KIAA1549: variants seen among roughly 807,000 people sequenced by gnomAD.
KIAA1549 encodes UPF0606 protein KIAA1549.
KIAA1549 carries 70 observed loss-of-function variants against 156.4 expected under a neutral mutation model. That is an observed-to-expected ratio of 0.45 (90% CI 0.37 to 0.55). The LOEUF is 0.55. Among genes scored for constraint, KIAA1549 ranks in the 20% least tolerant of loss-of-function variants. KIAA1549 has a pLI of 0.00. For missense variants in KIAA1549, 2,428 were observed against 2,540.9 expected, an observed-to-expected ratio of 0.96 and a Z score of 0.96; for synonymous variants, 1,103 against 1,066.4, an observed-to-expected ratio of 1.03 and a Z score of -0.67.
chr7:138,903,883 G>A (rs1563070889), intron 7 of KIAA1549, 147 bp from the exon 8 acceptor site: 2 of 722,302 alleles, frequency 2.8e-6, no homozygotes, highest in South Asian at 4.1e-5. Context: ...ATATGTATTT[G>A]AAATTAATGC....
At chr7:138,934,280 GA>G (rs2130510094) in intron 1 of KIAA1549, among the ~76,000 whole-genome samples, 1 of 152,094 alleles carries the variant, frequency 6.6e-6, no homozygotes, top group South Asian at 2.1e-4. Flanking sequence ...CAGGGTACCT[GA>G]AAATTACTAC....
At chr7:138,895,998 A>T (rs1453601864) in intron 9 of KIAA1549, among the ~76,000 whole-genome samples, 1 of 126,658 alleles carries the variant, frequency 7.9e-6, no homozygotes, top group Admixed American at 1.0e-4. Context: ...CTTCTCTTTC[A>T]CGGCATAGGA....
chr7:138,899,321 C>G lies in KIAA1549; in HGVS notation c.3670-189G>C, dbSNP rs145242013. On this transcript the variant is annotated intron_variant, in intron 8 of 19. Transcript: ENST00000422774. ...ATGGGAAGAGGGACAGTGGGGAGTT[C>G]CTTTGTGTGGAGTAACAGGTTGCTT... 3.1e-3 allele frequency among the ~76,000 whole-genome samples: 476 copies of G among 152,228 alleles called. 10 individuals carry two copies. In the East Asian group the frequency reaches 0.049, roughly 16 times the overall value.
intron 4 of KIAA1549, 127 bp downstream of exon 4, chr7:138,911,019 G>A (rs1453663707): frequency 1.3e-6 from 1 of 780,300 alleles, no homozygotes; most frequent in African/African-American, 1.8e-5. Context: ...GCAACAGACT[G>A]AGATCCTGTC....
intron 1 of KIAA1549, among the ~76,000 whole-genome samples, chr7:138,980,013 T>C (rs1814497655): frequency 6.6e-6 from 1 of 152,226 alleles, no homozygotes; most frequent in Admixed American, 6.5e-5. Context: ...CTGGTTATAA[T>C]TCTCACAGGT....
intron 12 of KIAA1549, among the ~76,000 whole-genome samples, chr7:138,876,198 A>G (rs535729461): frequency 7.7e-4 from 118 of 152,330 alleles, no homozygotes; most frequent in African/African-American, 2.5e-3. Flanking sequence ...TTTTACCTTG[A>G]AAAGGTCTCT....
Position 138,918,445 on chromosome 7 carries a change from T to G in KIAA1549, c.1181A>C (p.His394Pro). 1 of 1,613,804 alleles carries G rather than the reference T, an allele frequency of 6.2e-7. No individual in the cohort carries two copies. The highest frequency in any genetic ancestry group is 8.5e-7 in the Non-Finnish European group (1 of 1,179,750). The change falls in exon 2 of 20, where the codon CAT (histidine) becomes CCT (proline). Residue 394 changes from histidine to proline, a missense_variant. His to Pro is a moderately conservative substitution (Grantham distance 77, BLOSUM62 -2). Coordinates refer to ENST00000422774, the MANE Select transcript of KIAA1549 (RefSeq NM_001164665.2). This position sits in a 1 kb window ranked among gnomAD's most constrained non-coding sequence, Gnocchi z 4.2. ...PSDSSKTSEL[H>P]SNSALPGPVD... ...AGGACCGGGGAGGGCTGAATTGCTA[T>G]GCAATTCGGATGTTTTGCTGGAGTC...
At chr7:138,980,962 A>T (rs1173933145) in intron 1 of KIAA1549, 121 bp downstream of exon 1, 4 of 924,352 alleles carry the variant, frequency 4.3e-6, no homozygotes, top group Non-Finnish European at 5.4e-6. Flanking sequence ...TCTTCCAGAA[A>T]GGACGGCGAG....
At chr7:138,930,593 C>A (rs1812841662) in intron 1 of KIAA1549, among the ~76,000 whole-genome samples, 1 of 152,226 alleles carries the variant, frequency 6.6e-6, no homozygotes, top group African/African-American at 2.4e-5. Context: ...TCTCAAGAAC[C>A]AACCTCTGTT....
chr7:138,870,457 G>C (rs564684200), intron 13 of KIAA1549, among the ~76,000 whole-genome samples: 4 of 152,238 alleles, frequency 2.6e-5, no homozygotes, highest in Admixed American at 2.0e-4. Context: ...TAATAAATAG[G>C]ACTGACAGAT....
At chr7:138,954,355 A>G (rs1374932914) in intron 1 of KIAA1549, among the ~76,000 whole-genome samples, 1 of 152,172 alleles carries the variant, frequency 6.6e-6, no homozygotes, top group East Asian at 1.9e-4. Flanking sequence ...GGGCATGGCT[A>G]AGTCGTACTG....
At chr7:138,863,136 A>G (rs1368980534) in intron 15 of KIAA1549, among the ~76,000 whole-genome samples, 1 of 152,020 alleles carries the variant, frequency 6.6e-6, no homozygotes, top group Non-Finnish European at 1.5e-5. Context: ...TTCTGGTCTT[A>G]CAGGCTCCAT....
rs1044503944 is a variant in KIAA1549 at position 138,981,178 on chromosome 7, C to G, written c.92G>C (p.Arg31Pro). ...VALAPGPSGR[R>P]PSARCARRRR... ...GCGGCGGGCGCAGCGGGCGGAAGGC[C>G]GTCGGCCGCTCGGCCCCGGGGCCAG... Residue 31 changes from arginine (R) to proline (P), a missense_variant, in exon 1 of 20, where the codon CGG (arginine) becomes CCG (proline). Physicochemically the swap from Arg to Pro is moderately radical, Grantham distance 103. This residue lies in a region of KIAA1549 where 893 missense variants were observed against 847.9 expected (regional missense o/e 1.05). Transcript: ENST00000422774. The surrounding 1 kb of genome is among the most constrained non-coding windows in gnomAD (Gnocchi z 4.5). 73 of 1,145,256 alleles carry G rather than the reference C, an allele frequency of 6.4e-5. No individual in the cohort carries two copies. In the South Asian group the frequency reaches 1.0e-3, roughly 16 times the overall value. 70.9% of individuals were successfully genotyped at this position (1,145,256 alleles called of 1,614,324 possible).
chr7:138,975,383 C>T (rs1216681204), intron 1 of KIAA1549, among the ~76,000 whole-genome samples: 3 of 152,100 alleles, frequency 2.0e-5, no homozygotes, highest in Non-Finnish European at 4.4e-5. Flanking sequence ...GGGCCTAGAA[C>T]ATCTACCAGG....
chr7:138,935,040 G>A (rs1454485709), intron 1 of KIAA1549, among the ~76,000 whole-genome samples: 2 of 152,266 alleles, frequency 1.3e-5, no homozygotes, highest in South Asian at 2.1e-4. Context: ...GAAATCCCTC[G>A]TAATTAGTCA....
At chr7:138,903,155 A>G (rs1296362252) in intron 8 of KIAA1549, among the ~76,000 whole-genome samples, 1 of 152,196 alleles carries the variant, frequency 6.6e-6, no homozygotes, top group Admixed American at 6.5e-5. Flanking sequence ...GCTCAAGCAG[A>G]GGGCAGCACG....
At position 138,906,970 on chromosome 7, in the gene KIAA1549, C is replaced by A. The variant is rs1379089715; in HGVS notation, c.3409G>T (p.Val1137Leu). 6.2e-7 allele frequency: 1 copy of A among 1,613,030 alleles called. No homozygotes were observed. The highest frequency in any genetic ancestry group is 1.3e-5 in the African/African-American group (1 of 74,906). Residue 1137 changes from valine (V) to leucine (L), a missense_variant, in exon 6 of 20, where the codon GTG becomes TTG. Coordinates refer to ENST00000422774, the MANE Select transcript of KIAA1549 (RefSeq NM_001164665.2). Reference sequence around the variant, plus strand: ...CCCAGATAGAAACTGAACTCCACCACACTCAAGTTTCTGAGCAGCTCGCTC... The same window carrying A: ...CCCAGATAGAAACTGAACTCCACCAAACTCAAGTTTCTGAGCAGCTCGCTC... The part of the protein sequence containing the change: ...EVSELLRNLS[V>L]VEFSFYLGYP...
At chr7:138,956,518 C>T (rs1335798219) in intron 1 of KIAA1549, among the ~76,000 whole-genome samples, 1 of 152,106 alleles carries the variant, frequency 6.6e-6, no homozygotes, top group African/African-American at 2.4e-5. Context: ...TTCCTCCATA[C>T]TATTCTGGTG....
intron 18 of KIAA1549, among the ~76,000 whole-genome samples, chr7:138,843,521 C>T (rs1809982232): frequency 6.6e-6 from 1 of 152,028 alleles, no homozygotes. Context: ...AAAGGTAATC[C>T]TTCTAATAGA....
Sources: gnomAD v4.1 joint callset for allele counts (sites outside exome capture counted in the v4.1 genomes callset) on GRCh38, gnomAD v4.1.1 for gene constraint, gnomAD v4.1.1 regional missense constraint, Gnocchi (gnomAD v3.1) non-coding constraint, MANE v1.5 for transcripts, NCBI Gene and HGNC (gene_info 2026-07-23, HGNC 2026-07-21) for gene names.